The following CFAP95 variants were observed in gnomAD, a reference collection of about 807,000 sequenced individuals.
CFAP95 encodes the protein cilia and flagella associated protein 95.
the CFAP95 span, chr9:69,906,162 T>G: frequency 6.5e-7 from 1 of 1,538,720 alleles, no homozygotes; most frequent in South Asian, 1.2e-5. Flanking sequence ...TCAGCATCTC[T>G]GACTAATGAA....
At chr9:69,838,547 G>A in the CFAP95 span, among the ~76,000 whole-genome samples, 1 of 151,668 alleles carries the variant, frequency 6.6e-6, no homozygotes, top group Middle Eastern at 3.4e-3. Flanking sequence ...TGTTGTTGGT[G>A]TATAAGAATG....
chr9:69,857,856 G>T, the CFAP95 span: 1 of 1,549,074 alleles, frequency 6.5e-7, no homozygotes. Context: ...GGCTTTGAAA[G>T]TTTACACATT....
At chr9:69,900,365 T>C in the CFAP95 span, among the ~76,000 whole-genome samples, 1 of 152,196 alleles carries the variant, frequency 6.6e-6, no homozygotes, top group Non-Finnish European at 1.5e-5. Flanking sequence ...AAGAGAAGGA[T>C]GTGACTTAGC....
the CFAP95 span, chr9:69,857,819 C>A: frequency 3.5e-6 from 4 of 1,145,442 alleles, no homozygotes; most frequent in East Asian, 2.6e-5. Flanking sequence ...TGAGCCACTG[C>A]GCCCAGCCCC....
the CFAP95 span, chr9:69,886,896 G>A: frequency 6.2e-7 from 1 of 1,610,220 alleles, no homozygotes; most frequent in Non-Finnish European, 8.5e-7. Flanking sequence ...TCAGCCACAT[G>A]TGAGTACAAG....
chr9:69,825,398 C>T, the CFAP95 span, among the ~76,000 whole-genome samples: 3 of 152,076 alleles, frequency 2.0e-5, no homozygotes, highest in Non-Finnish European at 4.4e-5. Flanking sequence ...TATTAAAATC[C>T]GTTGTGTATA....
the CFAP95 span, among the ~76,000 whole-genome samples, chr9:69,860,632 C>T: frequency 2.4e-4 from 36 of 148,004 alleles, no homozygotes; most frequent in African/African-American, 8.7e-4. Flanking sequence ...CTTTTGGACC[C>T]TTTTAGCAAC....
chr9:69,860,276 C>A, the CFAP95 span, among the ~76,000 whole-genome samples: 2 of 152,054 alleles, frequency 1.3e-5, no homozygotes, highest in Non-Finnish European at 2.9e-5. Flanking sequence ...CCTCAGGAAG[C>A]TTTTACTCAT....
At chr9:69,828,854 G>A in the CFAP95 span, among the ~76,000 whole-genome samples, 3 of 151,936 alleles carry the variant, frequency 2.0e-5, no homozygotes, top group South Asian at 2.1e-4. Flanking sequence ...TAATGAACAT[G>A]TATTTTCATA....
the CFAP95 span, among the ~76,000 whole-genome samples, chr9:69,868,884 A>T: frequency 6.6e-6 from 1 of 152,060 alleles, no homozygotes; most frequent in South Asian, 2.1e-4. Flanking sequence ...AATGGCCAAC[A>T]GGTATTTAAA....
chr9:69,857,831 A>T, the CFAP95 span: 1 of 243,786 alleles, frequency 4.1e-6, no homozygotes, highest in Non-Finnish European at 5.8e-6. Flanking sequence ...CCCAGCCCCT[A>T]AATTAGTTTT....
the CFAP95 span, among the ~76,000 whole-genome samples, chr9:69,897,173 T>C: frequency 6.6e-6 from 1 of 152,356 alleles, no homozygotes; most frequent in East Asian, 1.9e-4. Context: ...AACAATTTAC[T>C]TTTATATCTA....
the CFAP95 span, chr9:69,906,221 A>G: frequency 1.7e-6 from 2 of 1,150,740 alleles, no homozygotes; most frequent in African/African-American, 3.1e-5. Flanking sequence ...ATGCAATGGA[A>G]GTGTTACTAT....
the CFAP95 span, among the ~76,000 whole-genome samples, chr9:69,901,417 G>T: frequency 6.6e-6 from 1 of 152,096 alleles, no homozygotes; most frequent in Non-Finnish European, 1.5e-5. Flanking sequence ...GATTACAGGC[G>T]TGAGCCACCG....
At chr9:69,845,320 G>A in the CFAP95 span, among the ~76,000 whole-genome samples, 1 of 152,180 alleles carries the variant, frequency 6.6e-6, no homozygotes, top group African/African-American at 2.4e-5. Context: ...GTCCTACAAT[G>A]TCACGAGCTT....
the CFAP95 span, among the ~76,000 whole-genome samples, chr9:69,833,541 T>C: frequency 1.3e-5 from 2 of 152,138 alleles, no homozygotes; most frequent in Non-Finnish European, 2.9e-5. Context: ...TTTCCATTGT[T>C]TCCGGTGAAA....
At chr9:69,880,987 G>A in the CFAP95 span, among the ~76,000 whole-genome samples, 1 of 152,056 alleles carries the variant, frequency 6.6e-6, no homozygotes, top group Non-Finnish European at 1.5e-5. Flanking sequence ...CAAATCTTTG[G>A]CCCATTTTTT....
the CFAP95 span, among the ~76,000 whole-genome samples, chr9:69,851,070 A>G: frequency 6.6e-6 from 1 of 152,256 alleles, no homozygotes; most frequent in East Asian, 1.9e-4. Context: ...CCTTTTCTAC[A>G]TCAGTAATCA....
the CFAP95 span, among the ~76,000 whole-genome samples, chr9:69,830,269 A>G: frequency 6.6e-6 from 1 of 152,144 alleles, no homozygotes; most frequent in Non-Finnish European, 1.5e-5. Flanking sequence ...ACCTGTTTGG[A>G]GTCATCTGGC....
Sources: allele counts gnomAD v4.1 joint callset (sites outside exome capture counted in the v4.1 genomes callset), GRCh38; gene constraint gnomAD v4.1.1; transcripts MANE v1.5; gene names NCBI Gene and HGNC (gene_info 2026-07-23, HGNC 2026-07-21).